ADD1: variants seen among roughly 807,000 people sequenced by gnomAD.
ADD1 encodes the protein alpha-adducin.
Under a neutral mutation model 80.5 loss-of-function variants are expected in ADD1, and 24 were observed. The observed-to-expected ratio is 0.30, with a 90% CI of 0.22 to 0.42. ADD1 has a LOEUF of 0.42. ADD1 is among the 10% of genes least tolerant of loss of function. The pLI is 1.00. For missense variants in ADD1, 948 were observed against 1,019.0 expected, an observed-to-expected ratio of 0.93 and a Z score of 0.95; for synonymous variants, 373 against 393.8, an observed-to-expected ratio of 0.95 and a Z score of 0.63.
At chr4:2,873,502 G>A (rs1477666354) in intron 1 of ADD1, among the ~76,000 whole-genome samples, 2 of 152,196 alleles carry the variant, frequency 1.3e-5, no homozygotes, top group South Asian at 2.1e-4. Context: ...CTGGCCTGCA[G>A]TGTTTATCTT....
At chr4:2,846,704 G>A (rs1326537418) in intron 1 of ADD1, among the ~76,000 whole-genome samples, 3 of 151,690 alleles carry the variant, frequency 2.0e-5, no homozygotes, top group South Asian at 2.1e-4. Context: ...GGCATGCTAG[G>A]ATGGGCCTGT....
rs1265515217 is a variant in ADD1 at position 2,926,280 on chromosome 4, T to A, written c.2047+168T>A. ...CTATATTGCTTCTGTCCTGGGTAAC[T>A]CCAGGCAAAACAGATTTGTATGTGA... On this transcript the variant is annotated intron_variant, in intron 15 of 15. Transcript: ENST00000683351. This position sits in a 1 kb window ranked among gnomAD's most constrained non-coding sequence, Gnocchi z 5.0. The A allele has an allele frequency of 1.3e-6, 1 of 748,828 alleles. No individual in the cohort carries two copies. Among genetic ancestry groups the A allele is most frequent in the East Asian group, 2.7e-5 (1 of 37,286 alleles). The allele number at this position is 748,828 out of a possible 1,614,324, so 46.4% of individuals were successfully genotyped here. A position where few individuals can be genotyped will look rare whatever the true frequency, so the allele number is the denominator to read the frequency against.
chr4:2,907,693 C>A, intron 10 of ADD1, 50 bp from the exon 11 acceptor site: 1 of 1,444,178 alleles, frequency 6.9e-7, no homozygotes, highest in South Asian at 1.1e-5. Context: ...GATGCTATGT[C>A]ACTTATTGTT....
intron 1 of ADD1, among the ~76,000 whole-genome samples, chr4:2,873,481 C>T (rs539706449): frequency 6.6e-6 from 1 of 152,280 alleles, no homozygotes; most frequent in South Asian, 2.1e-4. Flanking sequence ...AGGAATGGAG[C>T]ATGTATATAC....
chr4:2,863,297 A>G (rs1323934786), intron 1 of ADD1, among the ~76,000 whole-genome samples: 1 of 148,964 alleles, frequency 6.7e-6, no homozygotes, highest in Non-Finnish European at 1.5e-5. Flanking sequence ...GGGCTGAAGC[A>G]ATCTGCCCAC....
In ADD1 at chr4:2,846,847, G is replaced by C. The variant is rs1577397114; in HGVS notation, c.-21+2823G>C. Reference sequence around the variant, plus strand: ...AAAAAAAAAAAAAAAGCCGAGCGTGGTGGCTCACACCTGTAATCCCAGCAC... The same window carrying C: ...AAAAAAAAAAAAAAAGCCGAGCGTGCTGGCTCACACCTGTAATCCCAGCAC... On this transcript the variant is annotated intron_variant, in intron 1 of 15. Coordinates refer to ENST00000683351, the MANE Select transcript of ADD1 (RefSeq NM_001354761.2). Among the ~76,000 whole-genome samples the C allele has an allele frequency of 2.0e-5, 3 of 151,006 alleles. No individual in the cohort carries two copies. In the East Asian group the frequency reaches 5.8e-4, roughly 29 times the overall value.
chr4:2,892,332 T>C (rs1577594054), intron 4 of ADD1, among the ~76,000 whole-genome samples: 1 of 152,360 alleles, frequency 6.6e-6, no homozygotes, highest in East Asian at 1.9e-4. Context: ...CTTTTGAGCC[T>C]ATACTAAAAT....
chr4:2,881,949 A>G lies in ADD1; in HGVS notation c.247A>G (p.Lys83Glu), dbSNP rs1180418096. 1 of 1,611,906 alleles carries G rather than the reference A, an allele frequency of 6.2e-7. No individual in the cohort carries two copies. The highest frequency in any genetic ancestry group is 1.1e-5 in the South Asian group (1 of 90,450). The change falls in exon 3 of 16, where the codon AAG becomes GAG. Residue 83 changes from lysine (K) to glutamate (E), a missense_variant. Transcript: ENST00000683351. Reference protein sequence around the residue: ...SMIQEQFKKGKNPTGLLALQQ... With the variant: ...SMIQEQFKKGENPTGLLALQQ... ...GATACAGGAGCAATTTAAGAAGGGG[A>G]AGAACCCCACAGGCCTATTGGCATT... is the stretch of plus-strand genomic sequence containing the variant.
chr4:2,871,559 C>G (rs1362597904), intron 1 of ADD1, among the ~76,000 whole-genome samples: 1 of 152,162 alleles, frequency 6.6e-6, no homozygotes. Flanking sequence ...CCGGCAGAGA[C>G]CAGCTCATGT....
chr4:2,891,642 C>T (rs1734322786), intron 4 of ADD1, among the ~76,000 whole-genome samples: 1 of 152,026 alleles, frequency 6.6e-6, no homozygotes, highest in Admixed American at 6.6e-5. Context: ...TGGGTAGATG[C>T]CGTTTATTGC....
chr4:2,888,645 T>C (rs1419130510), intron 4 of ADD1, among the ~76,000 whole-genome samples: 4 of 151,874 alleles, frequency 2.6e-5, no homozygotes, highest in Non-Finnish European at 5.9e-5. Context: ...TTTGAACTCC[T>C]GACCTCAAGT....
At chr4:2,908,389 G>T (rs555002240) in intron 11 of ADD1, 126 bp from the exon 12 acceptor site, 2 of 779,280 alleles carry the variant, frequency 2.6e-6, no homozygotes, top group African/African-American at 3.4e-5. Flanking sequence ...TCCTGCCTGC[G>T]TGGGGCAGTG....
chr4:2,881,182 AT>A (rs1309459066), intron 2 of ADD1, among the ~76,000 whole-genome samples: 2 of 149,298 alleles, frequency 1.3e-5, no homozygotes, highest in East Asian at 3.9e-4. Context: ...GGTTCAAGCA[AT>A]TCTCCTTTCT....
intron 14 of ADD1, among the ~76,000 whole-genome samples, chr4:2,915,795 G>T (rs754983351): frequency 7.9e-5 from 12 of 152,294 alleles, no homozygotes; most frequent in African/African-American, 2.9e-4. Flanking sequence ...TTGCACTCTA[G>T]CCTGGGCATC....
chr4:2,852,733 C>T (rs186180898), intron 1 of ADD1, among the ~76,000 whole-genome samples: 400 of 135,548 alleles, frequency 3.0e-3, no homozygotes, highest in Non-Finnish European at 5.4e-3. Context: ...GAGTCTTGCT[C>T]TGTCACCCAG....
intron 14 of ADD1, among the ~76,000 whole-genome samples, chr4:2,916,199 TA>T (rs1739020489): frequency 3.2e-5 from 4 of 125,498 alleles, no homozygotes; most frequent in African/African-American, 8.2e-5. Context: ...TTATTATTAT[TA>T]TTATTATTAT....
intron 1 of ADD1, among the ~76,000 whole-genome samples, chr4:2,872,026 G>A (rs558322542): frequency 1.3e-5 from 2 of 152,292 alleles, no homozygotes; most frequent in African/African-American, 4.8e-5. Flanking sequence ...TTTAGAGAAT[G>A]GATTGTTGTG....
rs760373894 is a variant in ADD1 at position 2,928,354 on chromosome 4, C to A, written c.2231C>A (p.Ala744Asp). The A allele has an allele frequency of 6.8e-6, 11 of 1,613,628 alleles. No homozygotes were observed. The East Asian group carries it at 8.9e-5, about 13-fold the overall frequency. The change falls in exon 16 of 16, where the codon GCC becomes GAC. Residue 744 changes from alanine to aspartate, a missense_variant. Transcript: ENST00000683351. ...CCTACTGAGGCCAGCCCCGAGCCAG[C>A]CCCAGACCCAGCCCCGGTGGCTGAA... ...EAPTEASPEP[A>D]PDPAPVAEEA...
chr4:2,904,392 A>G (rs1451492338), intron 9 of ADD1, among the ~76,000 whole-genome samples: 1 of 152,122 alleles, frequency 6.6e-6, no homozygotes, highest in Non-Finnish European at 1.5e-5. Context: ...TACATGGTGT[A>G]TGTTCTTTGC....
Sources: gnomAD v4.1 joint callset for allele counts (sites outside exome capture counted in the v4.1 genomes callset) on GRCh38, gnomAD v4.1.1 for gene constraint, Gnocchi (gnomAD v3.1) non-coding constraint, MANE v1.5 for transcripts, NCBI Gene and HGNC (gene_info 2026-07-23, HGNC 2026-07-21) for gene names.